Variants in PLCXD3 observed in about 807,000 individuals in gnomAD.
PLCXD3 encodes PI-PLC X domain-containing protein 3.
A neutral mutation model predicts 25.5 loss-of-function variants in PLCXD3; 19 were observed. The ratio of observed to expected loss-of-function variants is 0.75; its 90% CI spans 0.52 to 1.09. The LOEUF (loss-of-function observed/expected upper bound fraction) is 1.09. Ranked by LOEUF, PLCXD3 falls within the 50% of genes least tolerant of loss-of-function variation. The pLI is 0.00. For synonymous variants in PLCXD3, 174 were observed against 137.6 expected (o/e 1.26, Z -1.85); for missense variants, 411 against 388.1 (o/e 1.06, Z -0.50).
intron 1 of PLCXD3, among the ~76,000 whole-genome samples, chr5:41,466,077 C>T (rs937274058): frequency 2.0e-5 from 3 of 152,044 alleles, no homozygotes; most frequent in Admixed American, 6.5e-5. Flanking sequence ...AAAAGTATTG[C>T]TTTCTTTTAT....
At chr5:41,362,987 T>C (rs76691742) in intron 2 of PLCXD3, among the ~76,000 whole-genome samples, 1 of 152,212 alleles carries the variant, frequency 6.6e-6, no homozygotes, top group African/African-American at 2.4e-5. Flanking sequence ...GATTTTTTTT[T>C]ACAACATATT....
At chr5:41,406,249 T>G (rs1006272460) in intron 1 of PLCXD3, among the ~76,000 whole-genome samples, 2 of 152,100 alleles carry the variant, frequency 1.3e-5, no homozygotes, top group Admixed American at 1.3e-4. Context: ...TCAACTTGCT[T>G]CATACTTTTT....
At chr5:41,364,278 A>G (rs918847583) in intron 2 of PLCXD3, among the ~76,000 whole-genome samples, 5 of 152,184 alleles carry the variant, frequency 3.3e-5, no homozygotes, top group African/African-American at 4.8e-5. Context: ...AACCCTGTTC[A>G]AGGATAAGAA....
chr5:41,479,423 C>T (rs148730796), intron 1 of PLCXD3, among the ~76,000 whole-genome samples: 3 of 152,070 alleles, frequency 2.0e-5, no homozygotes, highest in East Asian at 3.9e-4. Context: ...GTGATGTTTG[C>T]ATAATAATGT....
At chr5:41,347,986 A>G (rs1297988336) in intron 2 of PLCXD3, among the ~76,000 whole-genome samples, 1 of 152,232 alleles carries the variant, frequency 6.6e-6, no homozygotes, top group Non-Finnish European at 1.5e-5. Context: ...TCTCCAAAAC[A>G]CTAAGTAAAA....
chr5:41,367,367 G>C (rs1744967424), intron 2 of PLCXD3, among the ~76,000 whole-genome samples: 1 of 152,032 alleles, frequency 6.6e-6, no homozygotes, highest in Non-Finnish European at 1.5e-5. Flanking sequence ...TTGTGGTTTT[G>C]ATTTGCATTT....
At chr5:41,421,864 G>T (rs1746836757) in intron 1 of PLCXD3, among the ~76,000 whole-genome samples, 1 of 152,084 alleles carries the variant, frequency 6.6e-6, no homozygotes, top group African/African-American at 2.4e-5. Flanking sequence ...AGGTGACAAA[G>T]CAGTGAGATT....
chr5:41,393,819 A>T lies in PLCXD3; in HGVS notation c.104-11285T>A, dbSNP rs190355807. Among the ~76,000 whole-genome samples, 57 of 152,262 alleles carry T rather than the reference A, an allele frequency of 3.7e-4. No individual in the cohort carries two copies. In the East Asian group the frequency reaches 7.3e-3, roughly 20 times the overall value. On this transcript the variant is annotated intron_variant, in intron 1 of 2. Transcript: ENST00000377801. ...GTGGTGGACACCTGTAGTCCCAGCT[A>T]CTTAGGATGCTGAGGCAGAAGGATG...
At chr5:41,384,709 G>A (rs1165779166) in intron 1 of PLCXD3, among the ~76,000 whole-genome samples, 1 of 151,998 alleles carries the variant, frequency 6.6e-6, no homozygotes, top group African/African-American at 2.4e-5. Context: ...AAATTTTAAA[G>A]GCAAGGAAAT....
chr5:41,413,210 TTGCAAGTGAATGA>T (rs1237764652), intron 1 of PLCXD3, among the ~76,000 whole-genome samples: 11 of 152,184 alleles, frequency 7.2e-5, no homozygotes, highest in African/African-American at 2.7e-4. Flanking sequence ...AACAAATACT[TTGCAAGTGAATGA>T]TGCCAAGATT....
intron 1 of PLCXD3, among the ~76,000 whole-genome samples, chr5:41,439,882 C>A (rs988934383): frequency 1.3e-5 from 2 of 152,138 alleles, no homozygotes; most frequent in Non-Finnish European, 2.9e-5. Context: ...ATTCAACTGT[C>A]TCTTTTCATG....
intron 1 of PLCXD3, among the ~76,000 whole-genome samples, chr5:41,490,267 G>T (rs1748629543): frequency 6.6e-6 from 1 of 152,200 alleles, no homozygotes; most frequent in Admixed American, 6.5e-5. Flanking sequence ...AACCAGCCTT[G>T]CATCCCAGGG....
rs188573732 is a variant in PLCXD3, at chr5:41,400,477, A to G, written c.104-17943T>C. Among the ~76,000 whole-genome samples the G allele has an allele frequency of 5.3e-3, 800 of 152,286 alleles. 9 individuals are homozygous for G. Among genetic ancestry groups the G allele is most frequent in the African/African-American group, 0.018 (742 of 41,584 alleles). ...GATGAATGGATAAAGAAAATATGGT[A>G]CATATACAGAATGGAGTACTATTCA... On this transcript the variant is annotated intron_variant, in intron 1 of 2. Coordinates refer to ENST00000377801, the MANE Select transcript of PLCXD3 (RefSeq NM_001005473.3).
At chr5:41,317,736 T>C (rs984227676) in intron 2 of PLCXD3, among the ~76,000 whole-genome samples, 2 of 151,820 alleles carry the variant, frequency 1.3e-5, no homozygotes, top group African/African-American at 4.8e-5. Context: ...TACTAAAGAA[T>C]GCATCAGAGT....
chr5:41,483,646 A>G (rs7723565), intron 1 of PLCXD3, among the ~76,000 whole-genome samples: 32,503 of 152,064 alleles, frequency 0.21, 3,459 homozygotes, highest in South Asian at 0.24. Context: ...ATGGCTGTAC[A>G]ACAATGTGAA....
At chr5:41,387,676 T>C (rs73077939) in intron 1 of PLCXD3, among the ~76,000 whole-genome samples, 5,837 of 152,214 alleles carry the variant, frequency 0.038, 379 homozygotes, top group African/African-American at 0.13. Flanking sequence ...AATGTTTTCT[T>C]CAAGTAAAAT....
chr5:41,380,517 T>C (rs1200435020), intron 2 of PLCXD3, among the ~76,000 whole-genome samples: 4 of 152,210 alleles, frequency 2.6e-5, no homozygotes, highest in Non-Finnish European at 5.9e-5. Flanking sequence ...TAGCTCCCCA[T>C]TGCTCACAGG....
intron 1 of PLCXD3, among the ~76,000 whole-genome samples, chr5:41,444,048 GT>G (rs563025342): frequency 3.4e-4 from 52 of 151,896 alleles, no homozygotes; most frequent in African/African-American, 1.2e-3. Context: ...CTTCTCAGGT[GT>G]TTTTTTTCTC....
chr5:41,398,799 A>G (rs1222278023), intron 1 of PLCXD3, among the ~76,000 whole-genome samples: 2 of 152,130 alleles, frequency 1.3e-5, no homozygotes, highest in East Asian at 1.9e-4. Flanking sequence ...TCTAGAACAC[A>G]ACAAGGATGC....
Sources: allele counts gnomAD v4.1 joint callset (sites outside exome capture counted in the v4.1 genomes callset), GRCh38; gene constraint gnomAD v4.1.1; transcripts MANE v1.5; gene names NCBI Gene and HGNC (gene_info 2026-07-23, HGNC 2026-07-21).